EPHA3: variants seen among roughly 807,000 people sequenced by gnomAD.
EPHA3 encodes EPH receptor A3.
EPHA3 carries 42 observed loss-of-function variants against 107.1 expected under a neutral mutation model. The observed-to-expected ratio is 0.39, with a 90% CI of 0.31 to 0.51. The LOEUF is 0.51. EPHA3 is among the 20% of genes least tolerant of loss of function. EPHA3 has a pLI of 0.78. For synonymous variants in EPHA3, 461 were observed against 424.8 expected (o/e 1.09, Z -1.05); for missense variants, 1,183 against 1,211.2 (o/e 0.98, Z 0.35).
intron 15 of EPHA3, among the ~76,000 whole-genome samples, chr3:89,453,234 A>G (rs1576386575): frequency 6.6e-6 from 1 of 152,086 alleles, no homozygotes; most frequent in Non-Finnish European, 1.5e-5. Flanking sequence ...GACTTTACCT[A>G]TCATAAAAAC....
At chr3:89,143,045 C>G (rs1419652107) in intron 2 of EPHA3, among the ~76,000 whole-genome samples, 6 of 150,722 alleles carry the variant, frequency 4.0e-5, no homozygotes, top group Non-Finnish European at 7.4e-5. Context: ...ATAGAATATT[C>G]TATAAAATAT....
intron 3 of EPHA3, among the ~76,000 whole-genome samples, chr3:89,313,972 G>T (rs761035902): frequency 6.6e-6 from 1 of 151,858 alleles, no homozygotes; most frequent in African/African-American, 2.4e-5. Flanking sequence ...TAACTTAGAA[G>T]TAAGTTAATT....
At chr3:89,342,805 G>T (rs1339361632) in intron 5 of EPHA3, among the ~76,000 whole-genome samples, 1 of 149,236 alleles carries the variant, frequency 6.7e-6, no homozygotes, top group Non-Finnish European at 1.5e-5. Flanking sequence ...TCAGAATTAG[G>T]TATACATCCC....
intron 2 of EPHA3, among the ~76,000 whole-genome samples, chr3:89,130,443 G>A (rs1400027034): frequency 6.6e-6 from 1 of 152,038 alleles, no homozygotes; most frequent in Non-Finnish European, 1.5e-5. Context: ...AATCTTTCAT[G>A]GAATGCTTGT....
intron 3 of EPHA3, among the ~76,000 whole-genome samples, chr3:89,335,946 T>TCATATCAAGTATTAA (rs1707382481): frequency 6.6e-6 from 1 of 152,222 alleles, no homozygotes; most frequent in African/African-American, 2.4e-5. Context: ...TATGTGTGTA[T>TCATATCAAGTATTAA]CTGCCTTAGT....
chr3:89,242,778 A>C (rs2107247630), intron 3 of EPHA3, among the ~76,000 whole-genome samples: 1 of 151,826 alleles, frequency 6.6e-6, no homozygotes, highest in Middle Eastern at 3.4e-3. Flanking sequence ...TTATACTTTA[A>C]GTTTTAGGGT....
At chr3:89,389,801 T>G (rs1286270388) in intron 5 of EPHA3, among the ~76,000 whole-genome samples, 1 of 152,214 alleles carries the variant, frequency 6.6e-6, no homozygotes, top group Non-Finnish European at 1.5e-5. Context: ...CCAGATCCCT[T>G]CACAAGGAGA....
intron 5 of EPHA3, among the ~76,000 whole-genome samples, chr3:89,395,473 A>C (rs1221973218): frequency 6.6e-6 from 1 of 152,196 alleles, no homozygotes; most frequent in African/African-American, 2.4e-5. Flanking sequence ...CAACATTATA[A>C]CAAATAGGTA....
chr3:89,182,181 CTT>C (rs1705456725), intron 2 of EPHA3, among the ~76,000 whole-genome samples: 1 of 151,820 alleles, frequency 6.6e-6, no homozygotes, highest in Non-Finnish European at 1.5e-5. Flanking sequence ...TTATACCACT[CTT>C]TATTTCCTAT....
intron 7 of EPHA3, among the ~76,000 whole-genome samples, chr3:89,406,227 T>G (rs1709052021): frequency 6.6e-6 from 1 of 152,172 alleles, no homozygotes; most frequent in Non-Finnish European, 1.5e-5. Flanking sequence ...TTCTTGCTCC[T>G]CAAAATGTTG....
At chr3:89,143,863 T>C (rs182555967) in intron 2 of EPHA3, among the ~76,000 whole-genome samples, 1 of 151,760 alleles carries the variant, frequency 6.6e-6, no homozygotes, top group Admixed American at 6.6e-5. Context: ...TTATAGTCAA[T>C]AATATATTTT....
chr3:89,389,174 G>A (rs569146731), intron 5 of EPHA3, among the ~76,000 whole-genome samples: 2 of 152,088 alleles, frequency 1.3e-5, no homozygotes, highest in Non-Finnish European at 2.9e-5. Context: ...ACCAGGTTTG[G>A]GGAAATCAGT....
chr3:89,298,647 T>C (rs1170173317), intron 3 of EPHA3, among the ~76,000 whole-genome samples: 2 of 152,162 alleles, frequency 1.3e-5, no homozygotes, highest in African/African-American at 2.4e-5. Context: ...TTGTTATGTA[T>C]TAATTCAATT....
Position 89,362,065 on chromosome 3 carries a change from A to G in EPHA3, c.1306+19975A>G, listed in dbSNP as rs138251211. On this transcript the variant is annotated intron_variant, in intron 5 of 16. Transcript: ENST00000336596. The stretch of plus-strand genomic sequence containing the variant: ...TACTTCTAAAGTAGAGTAGTATGAC[A>G]CCTTAAGAAATGTTATGTGAGATGA... Among the ~76,000 whole-genome samples, 961 of 151,316 alleles carry G rather than the reference A, an allele frequency of 6.4e-3. 15 individuals carry two copies. Among genetic ancestry groups the G allele is most frequent in the African/African-American group, 0.022 (903 of 41,462 alleles).
intron 2 of EPHA3, among the ~76,000 whole-genome samples, chr3:89,201,077 G>T (rs1705957149): frequency 6.6e-6 from 1 of 152,278 alleles, no homozygotes; most frequent in African/African-American, 2.4e-5. Flanking sequence ...TCATAGTTCT[G>T]CAAGCTGTAC....
intron 5 of EPHA3, 100 bp from the exon 6 acceptor site, chr3:89,395,736 CT>C: frequency 7.3e-7 from 1 of 1,377,490 alleles, no homozygotes; most frequent in Non-Finnish European, 1.0e-6. Flanking sequence ...CAATGATAGA[CT>C]CCATTTGCAT....
chr3:89,290,367 A>G (rs968202630), intron 3 of EPHA3, among the ~76,000 whole-genome samples: 7 of 152,124 alleles, frequency 4.6e-5, no homozygotes, highest in Admixed American at 1.3e-4. Context: ...GAATGAAAAT[A>G]CTGTTGAACA....
At chr3:89,452,741 G>C (rs1710019266) in intron 15 of EPHA3, among the ~76,000 whole-genome samples, 1 of 151,766 alleles carries the variant, frequency 6.6e-6, no homozygotes, top group Non-Finnish European at 1.5e-5. Flanking sequence ...TATGATTTTG[G>C]TGTCATCTCT....
At chr3:89,245,558 T>G (rs1226109040) in intron 3 of EPHA3, among the ~76,000 whole-genome samples, 1 of 152,228 alleles carries the variant, frequency 6.6e-6, no homozygotes, top group East Asian at 1.9e-4. Flanking sequence ...ATTTAAAGAT[T>G]CCTTATGTTG....
Sources: allele counts gnomAD v4.1 joint callset (sites outside exome capture counted in the v4.1 genomes callset), GRCh38; gene constraint gnomAD v4.1.1; transcripts MANE v1.5; gene names NCBI Gene and HGNC (gene_info 2026-07-23, HGNC 2026-07-21).